Variants in ANO5 observed in about 807,000 individuals in gnomAD.
ANO5 encodes anoctamin 5, also known as anoctamin-5.
In ANO5, 109 loss-of-function variants were observed where a neutral mutation model predicts 121.0. The ratio of observed to expected loss-of-function variants is 0.90; its 90% CI spans 0.77 to 1.06. The LOEUF (loss-of-function observed/expected upper bound fraction) is 1.06. Ranked by LOEUF, ANO5 falls within the 50% of genes least tolerant of loss-of-function variation. ANO5 has a pLI of 0.00. For missense variants in ANO5, 1,064 were observed against 1,078.5 expected, an observed-to-expected ratio of 0.99 and a Z score of 0.19; for synonymous variants, 406 against 359.9, an observed-to-expected ratio of 1.13 and a Z score of -1.45.
intron 9 of ANO5, among the ~76,000 whole-genome samples, chr11:22,246,124 G>T (rs1853606786): frequency 6.6e-6 from 1 of 152,030 alleles, no homozygotes. Context: ...CCTCCAAAGA[G>T]TACCAGTCTT....
In ANO5 at chr11:22,263,109, A is replaced by G. The variant is rs1854250512; in HGVS notation, c.1898+66A>G. The G allele has an allele frequency of 9.2e-6, 13 of 1,412,240 alleles. No individual in the cohort carries two copies. In the Admixed American group the frequency reaches 1.9e-4, roughly 20 times the overall value. 87.5% of individuals were successfully genotyped at this position (1,412,240 alleles called of 1,614,324 possible). On this transcript the variant is annotated intron_variant, in intron 17 of 21. Coordinates refer to ENST00000324559, the MANE Select transcript of ANO5 (RefSeq NM_213599.3). ...CATGAGATATTTCCTCTAGAAGAAG[A>G]TGGAATTTTTTGATTACCATGGTGC...
rs552625022 is a variant in ANO5, at chr11:22,221,587, A to G, written c.294+377A>G. On this transcript the variant is annotated intron_variant, in intron 5 of 21. Coordinates refer to ENST00000324559, the MANE Select transcript of ANO5 (RefSeq NM_213599.3). ...CCATTGCTCCAGGTATAGCTTTTAT[A>G]TTGTACTCTATTCCTGATTCTATTT... 7.2e-5 allele frequency among the ~76,000 whole-genome samples: 11 copies of G among 152,000 alleles called. 1 individual carries two copies. In the South Asian group the frequency reaches 2.3e-3, roughly 31 times the overall value.
At chr11:22,199,196 G>C (rs1308861248) in intron 1 of ANO5, among the ~76,000 whole-genome samples, 1 of 152,056 alleles carries the variant, frequency 6.6e-6, no homozygotes, top group Non-Finnish European at 1.5e-5. Flanking sequence ...CTTAGCCCAA[G>C]GAATTTACAG....
chr11:22,273,123 A>G, intron 19 of ANO5, 134 bp downstream of exon 19: 2 of 949,362 alleles, frequency 2.1e-6, no homozygotes, highest in Admixed American at 3.8e-5. Context: ...CGAAATTGTT[A>G]TGCGCTAACC....
At chr11:22,258,291 T>C (rs2133733344) in intron 14 of ANO5, among the ~76,000 whole-genome samples, 2 of 152,350 alleles carry the variant, frequency 1.3e-5, no homozygotes, top group Middle Eastern at 6.8e-3. Context: ...GATTTATCTT[T>C]AGCATTTCTT....
At chr11:22,251,253 A>G (rs990237217) in intron 12 of ANO5, among the ~76,000 whole-genome samples, 1 of 152,232 alleles carries the variant, frequency 6.6e-6, no homozygotes, top group Admixed American at 6.5e-5. Context: ...GAAACATCAA[A>G]TGTATTAATT....
In ANO5 at chr11:22,220,779, T is replaced by C. The variant is rs79402446; in HGVS notation, c.181-318T>C. Among the ~76,000 whole-genome samples, 3,478 of 152,114 alleles carry C rather than the reference T, an allele frequency of 0.023. 125 individuals carry two copies. The highest frequency in any genetic ancestry group is 0.078 in the African/African-American group (3,252 of 41,526). On this transcript the variant is annotated intron_variant, in intron 4 of 21. Transcript: ENST00000324559. Reference sequence around the variant, plus strand: ...GAATTATTTAGTGGACTAAGTGATATCTTGTTTGATGAAGGGAACAAGTCA... The same window carrying C: ...GAATTATTTAGTGGACTAAGTGATACCTTGTTTGATGAAGGGAACAAGTCA...
intron 18 of ANO5, 85 bp downstream of exon 18, chr11:22,270,527 A>G (rs1283973200): frequency 1.9e-6 from 3 of 1,572,276 alleles, no homozygotes; most frequent in South Asian, 1.1e-5. Context: ...TGCCTTGCAC[A>G]TGGTAGGTGT....
At chr11:22,263,108 G>T in intron 17 of ANO5, 65 bp downstream of exon 17, 2 of 1,414,010 alleles carry the variant, frequency 1.4e-6, no homozygotes, top group Admixed American at 1.7e-5. Flanking sequence ...TCTAGAAGAA[G>T]ATGGAATTTT....
In ANO5 at chr11:22,218,226, C is replaced by A; in HGVS notation, c.139-20C>A. On this transcript the variant is annotated intron_variant, in intron 3 of 21. Coordinates refer to ENST00000324559, the MANE Select transcript of ANO5 (RefSeq NM_213599.3). ...TAATTCTGGGCAGGAAGTGCTAATT[C>A]TTTATTGGTTGCTTCACAGCCTGCA... The A allele has an allele frequency of 6.2e-7, 1 of 1,612,798 alleles. No homozygotes were observed. The highest frequency in any genetic ancestry group is 8.5e-7 in the Non-Finnish European group (1 of 1,179,588).
At chr11:22,275,942 A>G (rs1854824017) in intron 20 of ANO5, 152 bp from the exon 21 acceptor site, 3 of 614,456 alleles carry the variant, frequency 4.9e-6, no homozygotes, top group South Asian at 3.9e-5. Flanking sequence ...AACAAGAAAG[A>G]TAAATGTTTC....
rs1367127296 is a variant in ANO5, at chr11:22,276,089, T to C, written c.2415-5T>C. On this transcript the variant is annotated splice_polypyrimidine_tract_variant and splice_region_variant and intron_variant, in intron 20 of 21. Coordinates refer to ENST00000324559, the MANE Select transcript of ANO5 (RefSeq NM_213599.3). ...TTTTTTTTTGCATTTACTTCCACTT[T>C]TCAGGTACAGAGATTACAGATATCC... The C allele has an allele frequency of 2.5e-6, 4 of 1,589,100 alleles. No homozygotes were observed. The highest frequency in any genetic ancestry group is 1.1e-5 in the South Asian group (1 of 90,492).
chr11:22,257,004 C>T (rs1376632194), intron 13 of ANO5, among the ~76,000 whole-genome samples: 4 of 152,028 alleles, frequency 2.6e-5, no homozygotes, highest in Admixed American at 1.3e-4. Context: ...ATTCAGACCA[C>T]CCTAAAAATT....
intron 9 of ANO5, among the ~76,000 whole-genome samples, chr11:22,241,838 A>G (rs986322125): frequency 4.0e-5 from 6 of 151,500 alleles, no homozygotes; most frequent in Non-Finnish European, 4.4e-5. Flanking sequence ...TATACTGTAG[A>G]TTGTCTACTC....
rs147121216 is a variant in ANO5 at position 22,236,234 on chromosome 11, G to T, written c.720G>T (p.Leu240=). The T allele has an allele frequency of 3.9e-4, 631 of 1,613,176 alleles. 2 individuals carry two copies. The highest frequency in any genetic ancestry group is 1.5e-3 in the Middle Eastern group (9 of 6,074). ...AGAAAAGGTTTGGGATTGAAAGACT[G>T]CTAAACTCTAACACTTACTCATCTG... is the stretch of plus-strand genomic sequence containing the variant. ...DGKKRFGIER[L]LNSNTYSSAY... The change falls in exon 8 of 22, where the codon CTG becomes CTT. Residue 240 remains leucine, a synonymous_variant. Coordinates refer to ENST00000324559, the MANE Select transcript of ANO5 (RefSeq NM_213599.3).
chr11:22,223,077 G>A (rs1036504899), intron 5 of ANO5, among the ~76,000 whole-genome samples: 2 of 151,930 alleles, frequency 1.3e-5, no homozygotes, highest in African/African-American at 2.4e-5. Context: ...TGTTACCATA[G>A]ACAAACTATT....
rs765471054 is a variant in ANO5 at position 22,227,567 on chromosome 11, C to T, written c.629C>T (p.Ser210Phe). Residue 210 changes from serine (S) to phenylalanine (F), a missense_variant, in exon 7 of 22, where the codon TCC (serine) becomes TTC (phenylalanine). Transcript: ENST00000324559. ...GAAGATCAGGCAACCTTCTTTCCAT[C>T]CTCATCAAGAAACAGAATTGTAGGT... ...LIEDQATFFPSSSRNRIVYYI... is the reference protein window; with the variant it reads ...LIEDQATFFPFSSRNRIVYYI... 2 of 1,613,390 alleles carry T rather than the reference C, an allele frequency of 1.2e-6. No individual in the cohort carries two copies. Among genetic ancestry groups the T allele is most frequent in the Non-Finnish European group, 1.7e-6 (2 of 1,179,648 alleles).
At chr11:22,255,544 C>T (rs753132714) in intron 13 of ANO5, 22 bp downstream of exon 13, 18 of 1,611,082 alleles carry the variant, frequency 1.1e-5, no homozygotes, top group Middle Eastern at 3.3e-4. Flanking sequence ...AACTGTGAAA[C>T]GGACAGCATA....
At chr11:22,208,251 T>A (rs1852178137) in intron 2 of ANO5, among the ~76,000 whole-genome samples, 1 of 152,080 alleles carries the variant, frequency 6.6e-6, no homozygotes, top group Non-Finnish European at 1.5e-5. Context: ...GCAGCTTTAT[T>A]TGTAGTAGCC....
Sources: allele counts gnomAD v4.1 joint callset (sites outside exome capture counted in the v4.1 genomes callset), GRCh38; gene constraint gnomAD v4.1.1; transcripts MANE v1.5; gene names NCBI Gene and HGNC (gene_info 2026-07-23, HGNC 2026-07-21).